SH3BGR: variants seen among roughly 807,000 people sequenced by gnomAD.
The protein encoded by SH3BGR is SH3 domain-binding glutamic acid-rich protein.
A neutral mutation model predicts 24.5 loss-of-function variants in SH3BGR; 29 were observed. The ratio of observed to expected loss-of-function variants is 1.18; its 90% confidence interval spans 0.88 to 1.61. The LOEUF (loss-of-function observed/expected upper bound fraction) is 1.61, where lower values mean the gene tolerates loss of function less well. Among genes scored for constraint, SH3BGR ranks in the 40% most tolerant of loss-of-function variants. SH3BGR has a pLI of 0.00. For missense variants in SH3BGR, 162 were observed against 205.8 expected (o/e 0.79, Z 1.30); for synonymous variants, 55 against 65.7 (o/e 0.84, Z 0.79).
intron 3 of SH3BGR, among the ~76,000 whole-genome samples, chr21:39,486,867 C>T (rs2123445044): frequency 6.6e-6 from 1 of 152,200 alleles, no homozygotes; most frequent in South Asian, 2.1e-4. Context: ...AGGTGTGTGC[C>T]ACCACGTCCA....
intron 3 of SH3BGR, among the ~76,000 whole-genome samples, chr21:39,479,258 GATGGTA>G (rs1461457637): frequency 4.7e-5 from 7 of 149,152 alleles, no homozygotes; most frequent in South Asian, 2.1e-4. Flanking sequence ...TGGTGGTGGT[GATGGTA>G]GTGCTGGTGG....
At chr21:39,453,815 T>A (rs986784723) in intron 1 of SH3BGR, among the ~76,000 whole-genome samples, 2 of 152,242 alleles carry the variant, frequency 1.3e-5, no homozygotes, top group Admixed American at 6.5e-5. Context: ...TCATGAGGAC[T>A]GATGAAATGA....
At chr21:39,468,467 C>T (rs2077880168) in intron 2 of SH3BGR, among the ~76,000 whole-genome samples, 1 of 152,184 alleles carries the variant, frequency 6.6e-6, no homozygotes, top group African/African-American at 2.4e-5. Flanking sequence ...AAGAAAGGGT[C>T]TTGCTTTGTC....
intron 3 of SH3BGR, among the ~76,000 whole-genome samples, chr21:39,482,718 G>A (rs1301557701): frequency 6.6e-6 from 1 of 152,142 alleles, no homozygotes; most frequent in East Asian, 1.9e-4. Context: ...CACCCAGGCT[G>A]GAATGCGGTT....
At chr21:39,451,317 ATTGGCTT>A, upstream of SH3BGR, among the ~76,000 whole-genome samples, 1 of 152,168 alleles carries the variant, frequency 6.6e-6, no homozygotes, top group African/African-American at 2.4e-5. Context: ...TAGTGAGACA[ATTGGCTT>A]GTTGCAGCCA....
chr21:39,503,445 TA>T (rs1046787313), intron 4 of SH3BGR, among the ~76,000 whole-genome samples: 1 of 152,160 alleles, frequency 6.6e-6, no homozygotes, highest in African/African-American at 2.4e-5. Context: ...ATTTGTGTGT[TA>T]AAAACAATTG....
intron 2 of SH3BGR, among the ~76,000 whole-genome samples, chr21:39,463,257 T>C (rs970612713): frequency 1.6e-4 from 24 of 152,262 alleles, no homozygotes; most frequent in African/African-American, 5.8e-4. Flanking sequence ...TGTGTAACTT[T>C]AATTAGTTTG....
Position 39,451,989 on chromosome 21 carries a change from G to A in SH3BGR, c.-108G>A, listed in dbSNP as rs143629542. 7 of 1,614,184 alleles carry A rather than the reference G, an allele frequency of 4.3e-6. No homozygotes were observed. The African/African-American group carries it at 8.0e-5, about 18-fold the overall frequency. On this transcript the variant is annotated 5_prime_UTR_variant, in exon 1 of 7. Transcript: ENST00000333634. ...GAGCCCAGTGGACCCCTGGGCTGCT[G>A]CCAGCCCCGACCTGGCACTTGCTTG...
At chr21:39,473,501 T>G (rs1205695528) in intron 2 of SH3BGR, among the ~76,000 whole-genome samples, 1 of 152,194 alleles carries the variant, frequency 6.6e-6, no homozygotes, top group African/African-American at 2.4e-5. Flanking sequence ...TGAGGCAGCT[T>G]CCAACCATGT....
chr21:39,467,252 C>T (rs191511990), intron 2 of SH3BGR, among the ~76,000 whole-genome samples: 18 of 146,048 alleles, frequency 1.2e-4, no homozygotes, highest in African/African-American at 4.6e-4. Context: ...TTGCTGTGAT[C>T]TAGTAATTTT....
At chr21:39,489,818 A>C (rs919042896) in intron 3 of SH3BGR, among the ~76,000 whole-genome samples, 1 of 152,238 alleles carries the variant, frequency 6.6e-6, no homozygotes, top group East Asian at 1.9e-4. Flanking sequence ...CTAATGTTTT[A>C]TCAATGTGGA....
At chr21:39,450,764 T>C (rs2077564370), upstream of SH3BGR, among the ~76,000 whole-genome samples, 1 of 152,170 alleles carries the variant, frequency 6.6e-6, no homozygotes, top group South Asian at 2.1e-4. Flanking sequence ...CTTTGCTAGA[T>C]TTTGTATTCC....
intron 1 of SH3BGR, among the ~76,000 whole-genome samples, chr21:39,455,568 G>C (rs913323252): frequency 6.6e-6 from 1 of 152,246 alleles, no homozygotes; most frequent in Non-Finnish European, 1.5e-5. Context: ...GCTGTGAGGA[G>C]CTGCACTTTG....
chr21:39,447,416 C>CTTT (rs910615975), upstream of SH3BGR, among the ~76,000 whole-genome samples: 60 of 114,702 alleles, frequency 5.2e-4, no homozygotes, highest in Middle Eastern at 5.2e-3. Flanking sequence ...TTCGCTTTTG[C>CTTT]TTTTTTTTTT....
chr21:39,499,050 T>G (rs2123496490), intron 3 of SH3BGR, among the ~76,000 whole-genome samples: 1 of 152,274 alleles, frequency 6.6e-6, no homozygotes, highest in African/African-American at 2.4e-5. Context: ...GAAGAACCCC[T>G]TATAAAACCA....
intron 3 of SH3BGR, among the ~76,000 whole-genome samples, chr21:39,487,125 C>T (rs1479688022): frequency 6.6e-6 from 1 of 151,928 alleles, no homozygotes; most frequent in African/African-American, 2.4e-5. Flanking sequence ...CAGAGATATA[C>T]ACAGCCATAA....
At chr21:39,473,928 C>A (rs951303754) in intron 2 of SH3BGR, among the ~76,000 whole-genome samples, 3 of 151,476 alleles carry the variant, frequency 2.0e-5, no homozygotes, top group African/African-American at 7.2e-5. Context: ...ATACATAATA[C>A]TTTTTTCTCA....
chr21:39,452,059 G>A lies in SH3BGR; in HGVS notation c.-38G>A. ...TTGTCTAGCGGCGCATTCCCTGACA[G>A]GGGTGTGTTGGGGGGAGTCCTCTTT... On this transcript the variant is annotated 5_prime_UTR_variant, in exon 1 of 7. Coordinates refer to ENST00000333634, the MANE Select transcript of SH3BGR (RefSeq NM_007341.3). 6.2e-7 allele frequency: 1 copy of A among 1,611,752 alleles called. No individual in the cohort carries two copies. Among genetic ancestry groups the A allele is most frequent in the Non-Finnish European group, 8.5e-7 (1 of 1,179,704 alleles).
At chr21:39,485,615 A>G (rs1388581415) in intron 3 of SH3BGR, among the ~76,000 whole-genome samples, 1 of 151,696 alleles carries the variant, frequency 6.6e-6, no homozygotes, top group Non-Finnish European at 1.5e-5. Context: ...CGTCTAATGA[A>G]CCCATCTGCT....
Sources: gnomAD v4.1 joint callset for allele counts (sites outside exome capture counted in the v4.1 genomes callset) on GRCh38, gnomAD v4.1.1 for gene constraint, MANE v1.5 for transcripts, NCBI Gene and HGNC (gene_info 2026-07-23, HGNC 2026-07-21) for gene names.